The following BIVM variants were observed in gnomAD, a reference collection of about 807,000 sequenced individuals.
BIVM encodes the protein basic immunoglobulin-like variable motif-containing protein.
A neutral mutation model predicts 61.4 loss-of-function variants in BIVM; 31 were observed. The observed-to-expected ratio is 0.51, with a 90% CI of 0.38 to 0.68. BIVM has a LOEUF of 0.68. Ranked by LOEUF, BIVM falls within the 30% of genes least tolerant of loss-of-function variation. BIVM has a pLI of 0.00. For missense variants in BIVM, 526 were observed against 596.0 expected, an observed-to-expected ratio of 0.88 and a Z score of 1.22; for synonymous variants, 189 against 210.7, an observed-to-expected ratio of 0.90 and a Z score of 0.89.
At chr13:102,828,854 C>A (rs550014285) in intron 7 of BIVM, among the ~76,000 whole-genome samples, 2 of 152,080 alleles carry the variant, frequency 1.3e-5, no homozygotes, top group South Asian at 4.2e-4. Context: ...CATAGTGAAA[C>A]CTTTTCTCTA....
chr13:102,811,510 T>C (rs1157640680), intron 3 of BIVM, among the ~76,000 whole-genome samples: 3 of 152,232 alleles, frequency 2.0e-5, no homozygotes, highest in African/African-American at 7.2e-5. Context: ...TAAGAGTCTT[T>C]GTCTTTTTGC....
chr13:102,808,945 A>G (rs996229426), intron 3 of BIVM, among the ~76,000 whole-genome samples: 5 of 152,108 alleles, frequency 3.3e-5, no homozygotes, highest in African/African-American at 7.2e-5. Flanking sequence ...AAACTGATCA[A>G]TCTAGCTAGG....
At chr13:102,816,622 G>C (rs937733952) in intron 4 of BIVM, 68 bp downstream of exon 4, 2 of 1,338,708 alleles carry the variant, frequency 1.5e-6, no homozygotes, top group Non-Finnish European at 2.0e-6. Flanking sequence ...TAACGTAGCA[G>C]TTTACAAATT....
intron 3 of BIVM, among the ~76,000 whole-genome samples, chr13:102,809,468 G>T (rs1323589993): frequency 2.6e-5 from 4 of 152,182 alleles, no homozygotes; most frequent in Non-Finnish European, 5.9e-5. Context: ...TGTGCATTCT[G>T]CAGTCATTGG....
intron 3 of BIVM, among the ~76,000 whole-genome samples, chr13:102,808,534 C>T (rs910837174): frequency 1.3e-5 from 2 of 152,062 alleles, no homozygotes; most frequent in Admixed American, 1.3e-4. Context: ...CAATTTGTTT[C>T]ATAGAATTTT....
chr13:102,836,553 A>G (rs377298533), intron 9 of BIVM, among the ~76,000 whole-genome samples: 120 of 152,288 alleles, frequency 7.9e-4, no homozygotes, highest in African/African-American at 2.8e-3. Flanking sequence ...GACTCAAGTG[A>G]TCTTACTTCC....
rs1323794849 is a variant in BIVM at position 102,839,961 on chromosome 13, T to C, written c.*96T>C. ...AAGATTTTAGTAAGCCTACATTAAA[T>C]AGGAGCAGATCTTGTGGTATAAAAA... On this transcript the variant is annotated 3_prime_UTR_variant, in exon 11 of 11. Coordinates refer to ENST00000257336, the MANE Select transcript of BIVM (RefSeq NM_017693.4). 1.6e-6 allele frequency: 2 copies of C among 1,282,194 alleles called. No homozygotes were observed. The highest frequency in any genetic ancestry group is 2.3e-5 in the East Asian group (1 of 42,868). 79.4% of individuals were successfully genotyped at this position (1,282,194 alleles called of 1,614,324 possible).
chr13:102,838,815 G>A, intron 10 of BIVM, 76 bp downstream of exon 10: 1 of 1,382,256 alleles, frequency 7.2e-7, no homozygotes, highest in Non-Finnish European at 9.9e-7. Flanking sequence ...CACTCTTTAG[G>A]TTGCAAGTAA....
intron 7 of BIVM, 111 bp from the exon 8 acceptor site, chr13:102,831,454 T>C (rs1881062387): frequency 2.7e-6 from 4 of 1,478,502 alleles, no homozygotes; most frequent in Middle Eastern, 2.1e-4. Context: ...GCAGTGTCAG[T>C]GTATTCCAAG....
intron 7 of BIVM, among the ~76,000 whole-genome samples, chr13:102,824,598 T>C (rs1880532091): frequency 6.6e-6 from 1 of 152,182 alleles, no homozygotes; most frequent in Non-Finnish European, 1.5e-5. Flanking sequence ...TCACAGCTGC[T>C]TGATGCAGCT....
At chr13:102,821,186 T>A in intron 5 of BIVM, 54 bp downstream of exon 5, 1 of 1,496,930 alleles carries the variant, frequency 6.7e-7, no homozygotes, top group African/African-American at 1.4e-5. Context: ...TTGATGTTGC[T>A]TTTTCTATAA....
rs1566454961 is a variant in BIVM at position 102,831,672 on chromosome 13, CCT to C, written c.1010_1011del (p.Pro337ArgfsTer2). The C allele has an allele frequency of 6.2e-7, 1 of 1,614,008 alleles. No homozygotes were observed. The highest frequency in any genetic ancestry group is 8.5e-7 in the Non-Finnish European group (1 of 1,180,012). On this transcript the variant is annotated frameshift_variant, in exon 8 of 11. Coordinates refer to ENST00000257336, the MANE Select transcript of BIVM (RefSeq NM_017693.4). LOFTEE classifies it high-confidence loss of function. ...TTGTCCAATTGGCTTCGAAGCAACCCCTGTTAAAGCTAATAAAGCATTCAGGT... is the reference window on the plus strand; with the variant it reads ...TTGTCCAATTGGCTTCGAAGCAACCCGTTAAAGCTAATAAAGCATTCAGGT... Reference protein sequence around the residue: ...YFCPIGFEATPVKANKAFSRG... With the variant: ...YFCPIGFEATXVKANKAFSRG...
intron 7 of BIVM, among the ~76,000 whole-genome samples, chr13:102,827,844 T>C (rs1459503950): frequency 2.0e-5 from 3 of 152,192 alleles, no homozygotes; most frequent in Non-Finnish European, 4.4e-5. Context: ...GGGTGGTTCA[T>C]GTGTAAAGCA....
chr13:102,831,158 A>G (rs1881039960), intron 7 of BIVM, among the ~76,000 whole-genome samples: 1 of 152,234 alleles, frequency 6.6e-6, no homozygotes, highest in South Asian at 2.1e-4. Context: ...ATATTAGTAC[A>G]GTGGTATATG....
chr13:102,819,603 C>A (rs949339731), intron 4 of BIVM, among the ~76,000 whole-genome samples: 1 of 151,990 alleles, frequency 6.6e-6, no homozygotes, highest in Non-Finnish European at 1.5e-5. Flanking sequence ...GGCCCTGTCG[C>A]GGGGTGGGAA....
intron 7 of BIVM, among the ~76,000 whole-genome samples, chr13:102,823,522 T>G (rs1276793296): frequency 6.6e-6 from 1 of 152,232 alleles, no homozygotes; most frequent in Non-Finnish European, 1.5e-5. Context: ...TTATTCCTAC[T>G]GACTAAATTC....
intron 5 of BIVM, among the ~76,000 whole-genome samples, chr13:102,821,531 G>A (rs1282560097): frequency 1.3e-5 from 2 of 152,154 alleles, no homozygotes; most frequent in East Asian, 1.9e-4. Context: ...GAGCCCAGGA[G>A]TTTAAGGCTG....
At chr13:102,822,216 TAC>T in intron 7 of BIVM, 57 bp downstream of exon 7, 9 of 1,457,546 alleles carry the variant, frequency 6.2e-6, no homozygotes, top group Non-Finnish European at 7.6e-6. Flanking sequence ...CACACACACA[TAC>T]ACACACACGG....
At chr13:102,820,222 C>G (rs1164873369) in intron 4 of BIVM, among the ~76,000 whole-genome samples, 2 of 151,878 alleles carry the variant, frequency 1.3e-5, no homozygotes, top group East Asian at 1.9e-4. Context: ...TGTGGTGGCG[C>G]ACGCCTGTCG....
Sources: allele counts gnomAD v4.1 joint callset (sites outside exome capture counted in the v4.1 genomes callset), GRCh38; gene constraint gnomAD v4.1.1; transcripts MANE v1.5; gene names NCBI Gene and HGNC (gene_info 2026-07-23, HGNC 2026-07-21).